The following CA10 variants were observed in gnomAD, a reference collection of about 807,000 sequenced individuals.
The protein encoded by CA10 is carbonic anhydrase 10 (inactive).
Under a neutral mutation model 44.2 loss-of-function variants are expected in CA10, and 14 were observed. The ratio of observed to expected loss-of-function variants is 0.32; its 90% confidence interval spans 0.21 to 0.50. The LOEUF is 0.50. Among genes scored for constraint, CA10 ranks in the 20% least tolerant of loss-of-function variants. The pLI, the probability that CA10 is intolerant of heterozygous loss-of-function variation, is 0.99. For synonymous variants in CA10, 159 were observed against 141.6 expected (o/e 1.12, Z -0.87); for missense variants, 350 against 409.7 (o/e 0.85, Z 1.26).
In CA10 at chr17:51,971,391, C is replaced by A. The variant is rs184397367; in HGVS notation, c.137-40259G>T. 4.1e-4 allele frequency among the ~76,000 whole-genome samples: 63 copies of A among 152,152 alleles called. No homozygotes were observed. In the East Asian group the frequency reaches 7.5e-3, roughly 18 times the overall value. On this transcript the variant is annotated intron_variant, in intron 2 of 8. Transcript: ENST00000451037. The stretch of plus-strand genomic sequence containing the variant: ...TAGTGAGATTTTGTTTAAGTCTGTC[C>A]TTGGGCATGATAAATCAAAACTACA...
At chr17:51,863,101 T>C (rs1250589001) in intron 3 of CA10, among the ~76,000 whole-genome samples, 1 of 152,174 alleles carries the variant, frequency 6.6e-6, no homozygotes, top group African/African-American at 2.4e-5. Flanking sequence ...CACTGGAAAA[T>C]ATGAACCACA....
chr17:51,964,702 A>C (rs1253278102), intron 2 of CA10, among the ~76,000 whole-genome samples: 1 of 151,854 alleles, frequency 6.6e-6, no homozygotes, highest in Non-Finnish European at 1.5e-5. Flanking sequence ...GTCAAAAAAA[A>C]AATCTTTGAA....
chr17:51,837,105 A>AC (rs1908513228), intron 3 of CA10, among the ~76,000 whole-genome samples: 1 of 134,020 alleles, frequency 7.5e-6, no homozygotes. Flanking sequence ...CACACACACA[A>AC]ACACACATGC....
At chr17:51,945,675 C>T (rs2054054501) in intron 2 of CA10, among the ~76,000 whole-genome samples, 1 of 152,106 alleles carries the variant, frequency 6.6e-6, no homozygotes, top group African/African-American at 2.4e-5. Context: ...TAGAGCTAGC[C>T]TTCTGCAAAA....
chr17:51,878,590 C>T (rs1980194865), intron 3 of CA10, among the ~76,000 whole-genome samples: 1 of 151,814 alleles, frequency 6.6e-6, no homozygotes, highest in Admixed American at 6.6e-5. Context: ...GGGTTCATAT[C>T]TGCAAATTGT....
At chr17:52,125,993 G>A (rs1989110193) in intron 1 of CA10, among the ~76,000 whole-genome samples, 1 of 152,096 alleles carries the variant, frequency 6.6e-6, no homozygotes, top group South Asian at 2.1e-4. Context: ...CTAAGTGCTA[G>A]GTACTATTCT....
chr17:51,910,381 C>T (rs574029503), intron 3 of CA10, among the ~76,000 whole-genome samples: 1 of 152,268 alleles, frequency 6.6e-6, no homozygotes, highest in South Asian at 2.1e-4. Context: ...ATCAGCTGTT[C>T]CTGATGGTGC....
chr17:51,720,049 G>C (rs113769446), intron 4 of CA10, among the ~76,000 whole-genome samples: 4 of 152,124 alleles, frequency 2.6e-5, no homozygotes, highest in Admixed American at 6.5e-5. Context: ...ATAATACTAA[G>C]AGTAATAATA....
chr17:51,726,040 GGT>G (rs1916509053), intron 4 of CA10, among the ~76,000 whole-genome samples: 1 of 152,138 alleles, frequency 6.6e-6, no homozygotes, highest in Non-Finnish European at 1.5e-5. Context: ...TCATAGCTCA[GGT>G]GCACATTTAA....
At chr17:51,994,673 A>G (rs1396935724) in intron 2 of CA10, among the ~76,000 whole-genome samples, 1 of 152,108 alleles carries the variant, frequency 6.6e-6, no homozygotes, top group African/African-American at 2.4e-5. Flanking sequence ...AATAAACTAT[A>G]TACATATAGA....
chr17:52,005,654 A>C (rs1347527888), intron 2 of CA10, among the ~76,000 whole-genome samples: 1 of 151,968 alleles, frequency 6.6e-6, no homozygotes, highest in African/African-American at 2.4e-5. Flanking sequence ...TTCATGGTCC[A>C]GGGGAGCTAT....
intron 3 of CA10, among the ~76,000 whole-genome samples, chr17:51,786,937 T>C (rs150684690): frequency 5.8e-4 from 88 of 152,338 alleles, no homozygotes; most frequent in African/African-American, 2.1e-3. Context: ...AATAATCATA[T>C]TGTTTTTGTC....
At chr17:51,980,487 GA>G (rs2144086324) in intron 2 of CA10, among the ~76,000 whole-genome samples, 1 of 152,020 alleles carries the variant, frequency 6.6e-6, no homozygotes, top group Non-Finnish European at 1.5e-5. Context: ...TATTTACTGA[GA>G]GTTTCTTTTG....
chr17:51,649,077 G>T, intron 6 of CA10, 105 bp downstream of exon 6: 1 of 752,580 alleles, frequency 1.3e-6, no homozygotes, highest in Non-Finnish European at 2.3e-6. Flanking sequence ...GCAGGATCAT[G>T]AAACTGAAAA....
At chr17:51,985,378 T>C (rs1409640771) in intron 2 of CA10, among the ~76,000 whole-genome samples, 1 of 151,936 alleles carries the variant, frequency 6.6e-6, no homozygotes, top group Admixed American at 6.6e-5. Context: ...ATAAAAGTCA[T>C]CCATGACAAA....
chr17:51,871,261 C>T (rs191001567), intron 3 of CA10, among the ~76,000 whole-genome samples: 77 of 150,946 alleles, frequency 5.1e-4, no homozygotes, highest in African/African-American at 1.7e-3. Context: ...GATGGAGTTT[C>T]GCTCTTGTTG....
chr17:51,738,338 A>G (rs1219244819), intron 4 of CA10, among the ~76,000 whole-genome samples: 1 of 152,158 alleles, frequency 6.6e-6, no homozygotes, highest in African/African-American at 2.4e-5. Context: ...GAATGATTTA[A>G]TTTAGCAATA....
intron 3 of CA10, among the ~76,000 whole-genome samples, chr17:51,914,064 G>A (rs188605993): frequency 3.3e-5 from 5 of 152,226 alleles, no homozygotes; most frequent in African/African-American, 1.2e-4. Flanking sequence ...ATTTACACTG[G>A]CCAGTCCTTT....
At chr17:51,825,258 CTG>C (rs1480672152) in intron 3 of CA10, among the ~76,000 whole-genome samples, 1 of 152,110 alleles carries the variant, frequency 6.6e-6, no homozygotes, top group Non-Finnish European at 1.5e-5. Flanking sequence ...TTATCGAAAA[CTG>C]TGTCAAAAGC....
Sources: allele counts gnomAD v4.1 joint callset (sites outside exome capture counted in the v4.1 genomes callset), GRCh38; gene constraint gnomAD v4.1.1; transcripts MANE v1.5; gene names NCBI Gene and HGNC (gene_info 2026-07-23, HGNC 2026-07-21).